The following UCK2 variants were observed in gnomAD, a reference collection of about 807,000 sequenced individuals.
UCK2 encodes uridine-cytidine kinase 2, also known as cytidine monophosphokinase 2.
UCK2 carries 6 observed loss-of-function variants against 30.8 expected under a neutral mutation model. That is an observed-to-expected ratio of 0.19 (90% CI 0.11 to 0.38). The LOEUF is 0.38. Among genes scored for constraint, UCK2 ranks in the 10% least tolerant of loss-of-function variants. UCK2 has a pLI of 1.00. For missense variants in UCK2, 210 were observed against 339.8 expected (o/e 0.62, Z 3.00); for synonymous variants, 125 against 133.6 (o/e 0.94, Z 0.45).
chr1:165,879,964 TAAG>T (rs1655442343), intron 1 of UCK2, among the ~76,000 whole-genome samples: 2 of 152,174 alleles, frequency 1.3e-5, no homozygotes, highest in Non-Finnish European at 2.9e-5. Flanking sequence ...GAGGAGAAAT[TAAG>T]AAGAAAATGT....
intron 4 of UCK2, among the ~76,000 whole-genome samples, chr1:165,899,589 C>T (rs981739245): frequency 3.3e-5 from 5 of 152,178 alleles, no homozygotes; most frequent in Admixed American, 3.3e-4. Flanking sequence ...GAAGGGCTGA[C>T]GTGGAAGCCC....
chr1:165,842,823 A>G (rs1654361785), intron 1 of UCK2, among the ~76,000 whole-genome samples: 1 of 152,100 alleles, frequency 6.6e-6, no homozygotes. Context: ...AAGCCACAGG[A>G]GGCTTAGTCC....
intron 1 of UCK2, among the ~76,000 whole-genome samples, chr1:165,879,480 C>G (rs1571287660): frequency 6.6e-6 from 1 of 152,056 alleles, no homozygotes; most frequent in African/African-American, 2.4e-5. Context: ...CCCATATCTA[C>G]TGATAGTTCT....
intron 1 of UCK2, among the ~76,000 whole-genome samples, chr1:165,854,174 G>C (rs1210356435): frequency 6.6e-6 from 1 of 152,192 alleles, no homozygotes; most frequent in Non-Finnish European, 1.5e-5. Context: ...GTGGGATCTG[G>C]AGTGGCTTCA....
At chr1:165,867,661 T>G (rs1217304554) in intron 1 of UCK2, among the ~76,000 whole-genome samples, 18 of 152,356 alleles carry the variant, frequency 1.2e-4, no homozygotes, top group African/African-American at 4.3e-4. Context: ...TCACATTTTA[T>G]TATGAGATTG....
intron 4 of UCK2, 69 bp from the exon 5 acceptor site, chr1:165,903,113 C>A (rs1396996652): frequency 8.1e-7 from 1 of 1,235,098 alleles, no homozygotes; most frequent in Non-Finnish European, 1.2e-6. Context: ...GCTAGGTCCA[C>A]CCCATGAAGG....
chr1:165,897,573 C>G (rs1387774084), intron 4 of UCK2, among the ~76,000 whole-genome samples: 1 of 152,162 alleles, frequency 6.6e-6, no homozygotes, highest in East Asian at 1.9e-4. Context: ...CTCCTAGTCA[C>G]AGGACACATT....
chr1:165,868,813 C>A (rs544106916), intron 1 of UCK2, among the ~76,000 whole-genome samples: 25 of 152,276 alleles, frequency 1.6e-4, no homozygotes, highest in African/African-American at 5.8e-4. Context: ...TTTTAATTGC[C>A]GTCATGAACT....
chr1:165,882,857 G>A (rs899944565), intron 1 of UCK2, among the ~76,000 whole-genome samples: 3 of 151,972 alleles, frequency 2.0e-5, no homozygotes, highest in African/African-American at 7.2e-5. Flanking sequence ...ACACAGTCTC[G>A]CTCTGTCACG....
chr1:165,848,489 G>A (rs983357310), intron 1 of UCK2, among the ~76,000 whole-genome samples: 3 of 152,064 alleles, frequency 2.0e-5, no homozygotes, highest in African/African-American at 2.4e-5. Context: ...AAAATTAGCC[G>A]GGTATATTGG....
At chr1:165,861,890 C>T (rs1654918475) in intron 1 of UCK2, among the ~76,000 whole-genome samples, 1 of 152,148 alleles carries the variant, frequency 6.6e-6, no homozygotes, top group Non-Finnish European at 1.5e-5. Context: ...ACGCAGATTT[C>T]ATGATACCAC....
intron 1 of UCK2, among the ~76,000 whole-genome samples, chr1:165,844,455 A>G (rs891624825): frequency 2.0e-5 from 3 of 152,208 alleles, no homozygotes; most frequent in Admixed American, 6.5e-5. Context: ...TTGTTCTAAT[A>G]TGTTCCTGAC....
intron 1 of UCK2, among the ~76,000 whole-genome samples, chr1:165,845,521 C>G (rs1654426092): frequency 6.6e-6 from 1 of 152,148 alleles, no homozygotes; most frequent in Non-Finnish European, 1.5e-5. Context: ...ATTATTTTAG[C>G]TGTGTAACAA....
At position 165,898,561 on chromosome 1, in the gene UCK2, G is replaced by A. The variant is rs12138699; in HGVS notation, c.499+2229G>A. The stretch of plus-strand genomic sequence containing the variant: ...CTGATGCCATCACTAGTCCAGCAGT[G>A]GTACTCAGTCTCAGGGATGCAGTGC... On this transcript the variant is annotated intron_variant, in intron 4 of 6. Transcript: ENST00000367879. Among the ~76,000 whole-genome samples, 757 of 152,280 alleles carry A rather than the reference G, an allele frequency of 5.0e-3. 4 individuals carry two copies. Among genetic ancestry groups the A allele is most frequent in the Non-Finnish European group, 8.7e-3 (593 of 68,030 alleles).
At chr1:165,888,966 G>T (rs1655693642) in intron 1 of UCK2, among the ~76,000 whole-genome samples, 1 of 152,094 alleles carries the variant, frequency 6.6e-6, no homozygotes, top group Admixed American at 6.5e-5. Flanking sequence ...TTTACGAAGA[G>T]TATATTGAAG....
chr1:165,896,600 T>C (rs777039510), intron 4 of UCK2, among the ~76,000 whole-genome samples: 15 of 152,248 alleles, frequency 9.9e-5, no homozygotes, highest in African/African-American at 1.7e-4. Context: ...AATAAGACAC[T>C]GACATCTGGT....
chr1:165,895,736 C>T lies in UCK2; in HGVS notation c.357-454C>T, dbSNP rs1022796132. ...CTCCTTTCAATTGCCTCAGGACTGG[C>T]GGGGAGGGGATGGAGTTGTTGAGAG... On this transcript the variant is annotated intron_variant, in intron 3 of 6. Transcript: ENST00000367879. 3.8e-5 allele frequency: 30 copies of T among 796,910 alleles called. No individual in the cohort carries two copies. The Admixed American group carries it at 7.4e-4, about 20-fold the overall frequency. The allele number at this position is 796,910 out of a possible 1,614,324, so 49.4% of individuals were successfully genotyped here. A position where few individuals can be genotyped will look rare whatever the true frequency, so the allele number is the denominator to read the frequency against.
chr1:165,856,373 AT>A (rs1050302425), intron 1 of UCK2, among the ~76,000 whole-genome samples: 15 of 151,252 alleles, frequency 9.9e-5, no homozygotes, highest in Non-Finnish European at 1.0e-4. Flanking sequence ...TGCCTGTTGT[AT>A]CCCCAGCTCC....
intron 1 of UCK2, among the ~76,000 whole-genome samples, chr1:165,844,231 C>T (rs1391120064): frequency 6.6e-6 from 1 of 152,224 alleles, no homozygotes; most frequent in East Asian, 1.9e-4. Context: ...GCACGTATGC[C>T]TTCTCCTGCA....
Sources: allele counts gnomAD v4.1 joint callset (sites outside exome capture counted in the v4.1 genomes callset), GRCh38; gene constraint gnomAD v4.1.1; transcripts MANE v1.5; gene names NCBI Gene and HGNC (gene_info 2026-07-23, HGNC 2026-07-21).